The following AGBL1 variants were observed in gnomAD, a reference collection of about 807,000 sequenced individuals.
AGBL1 encodes cytosolic carboxypeptidase 4.
In AGBL1, 130 loss-of-function variants were observed where a neutral mutation model predicts 118.9. The ratio of observed to expected loss-of-function variants is 1.09; its 90% CI spans 0.95 to 1.26. The LOEUF (loss-of-function observed/expected upper bound fraction) is 1.26. AGBL1 is among the 50% of genes most tolerant of loss of function. The pLI, the probability that AGBL1 is intolerant of heterozygous loss-of-function variation, is 0.00. For missense variants in AGBL1, 1,584 were observed against 1,298.1 expected, an observed-to-expected ratio of 1.22 and a Z score of -3.38; for synonymous variants, 555 against 478.9, an observed-to-expected ratio of 1.16 and a Z score of -2.08.
At chr15:86,386,745 G>A (rs1195261813) in intron 17 of AGBL1, among the ~76,000 whole-genome samples, 1 of 151,944 alleles carries the variant, frequency 6.6e-6, no homozygotes, top group Non-Finnish European at 1.5e-5. Context: ...TCAAGCCTGG[G>A]ACCTTCATAG....
At chr15:86,663,629 T>C (rs1037798056) in intron 21 of AGBL1, among the ~76,000 whole-genome samples, 2 of 151,690 alleles carry the variant, frequency 1.3e-5, no homozygotes, top group Non-Finnish European at 2.9e-5. Context: ...CCATATTGAG[T>C]TTTTTGGTGG....
chr15:86,293,392 A>T (rs1208233753), intron 16 of AGBL1, among the ~76,000 whole-genome samples: 1 of 152,144 alleles, frequency 6.6e-6, no homozygotes, highest in Non-Finnish European at 1.5e-5. Flanking sequence ...TCTAGAGGCC[A>T]CCTGCATTCC....
Position 86,722,106 on chromosome 15 carries a change from C to T in AGBL1, c.3158+47670C>T, listed in dbSNP as rs1043210573. Among the ~76,000 whole-genome samples, 29 of 152,124 alleles carry T rather than the reference C, an allele frequency of 1.9e-4. No individual in the cohort carries two copies. In the South Asian group the frequency reaches 2.5e-3, roughly 13 times the overall value. On this transcript the variant is annotated intron_variant, in intron 22 of 22. Coordinates refer to ENST00000614907, the MANE Select transcript of AGBL1 (RefSeq NM_001386094.1). Reference sequence around the variant, plus strand: ...CCAAGGTAATTTATAGATTCAATGCCATCCCCATCAAGCTACCAATGACTT... The same window carrying T: ...CCAAGGTAATTTATAGATTCAATGCTATCCCCATCAAGCTACCAATGACTT...
intron 17 of AGBL1, among the ~76,000 whole-genome samples, chr15:86,334,131 G>A (rs1205565235): frequency 2.0e-5 from 3 of 152,124 alleles, no homozygotes; most frequent in Non-Finnish European, 4.4e-5. Context: ...AGATCAGGAT[G>A]CCCTCTCTCA....
intron 18 of AGBL1, among the ~76,000 whole-genome samples, chr15:86,460,479 C>T (rs372566881): frequency 6.6e-6 from 1 of 151,806 alleles, no homozygotes; most frequent in East Asian, 1.9e-4. Flanking sequence ...CTGGGCAACA[C>T]ACAGAACAAT....
chr15:86,307,469 A>G (rs1012495552), intron 17 of AGBL1, among the ~76,000 whole-genome samples: 1 of 152,026 alleles, frequency 6.6e-6, no homozygotes, highest in South Asian at 2.1e-4. Flanking sequence ...CTAATATAGT[A>G]GTCTATTTTT....
chr15:86,184,458 G>C (rs565079856), intron 5 of AGBL1, among the ~76,000 whole-genome samples: 1 of 148,130 alleles, frequency 6.8e-6, no homozygotes, highest in Admixed American at 6.7e-5. Context: ...TGTCTCAAGA[G>C]GGCAAACAGC....
chr15:86,142,970 G>A (rs534583823), intron 2 of AGBL1, among the ~76,000 whole-genome samples: 1 of 152,208 alleles, frequency 6.6e-6, no homozygotes, highest in Non-Finnish European at 1.5e-5. Flanking sequence ...GTACCACCCT[G>A]TTGGCCACCT....
At chr15:86,274,080 A>C (rs1159895) in intron 15 of AGBL1, among the ~76,000 whole-genome samples, 2 of 152,000 alleles carry the variant, frequency 1.3e-5, no homozygotes, top group South Asian at 2.1e-4. Context: ...ATGCATTACT[A>C]TACTAATATA....
intron 5 of AGBL1, among the ~76,000 whole-genome samples, chr15:86,195,132 G>C (rs1228898083): frequency 1.3e-5 from 2 of 152,182 alleles, no homozygotes; most frequent in South Asian, 4.1e-4. Flanking sequence ...TTTTGTGGGT[G>C]CTGGGGAAGG....
chr15:87,008,881 A>G (rs569709041), intron 24 of AGBL1, among the ~76,000 whole-genome samples: 5 of 152,236 alleles, frequency 3.3e-5, no homozygotes, highest in African/African-American at 1.2e-4. Context: ...GGTATCTGGC[A>G]GAAGAAATTT....
At chr15:86,310,209 T>C (rs1230325448) in intron 17 of AGBL1, among the ~76,000 whole-genome samples, 1 of 152,240 alleles carries the variant, frequency 6.6e-6, no homozygotes, top group Non-Finnish European at 1.5e-5. Context: ...TCTAATATGT[T>C]GCCACAGAAT....
At chr15:86,649,656 C>T (rs1323592506) in intron 21 of AGBL1, among the ~76,000 whole-genome samples, 1 of 150,858 alleles carries the variant, frequency 6.6e-6, no homozygotes, top group Non-Finnish European at 1.5e-5. Flanking sequence ...ATAATTGATA[C>T]CTTGTTTCAT....
chr15:86,546,084 C>T lies in AGBL1; in HGVS notation c.2768C>T (p.Ala923Val), dbSNP rs1596251122. Residue 923 changes from alanine to valine, a missense_variant, in exon 20 of 23, where the codon GCA becomes GTA. Transcript: ENST00000614907. ...GCSIKETLWQ[A>V]ACTVGTSTIL... ...AGCATCAAGGAAACCTTGTGGCAAGCAGCATGCACTGTGGGCACATCTACT... is the reference window on the plus strand; with the variant it reads ...AGCATCAAGGAAACCTTGTGGCAAGTAGCATGCACTGTGGGCACATCTACT... 4 of 1,613,416 alleles carry T rather than the reference C, an allele frequency of 2.5e-6. No individual in the cohort carries two copies. The highest frequency in any genetic ancestry group is 2.2e-5 in the East Asian group (1 of 44,872).
intron 23 of AGBL1, among the ~76,000 whole-genome samples, chr15:86,969,131 C>T (rs1409466460): frequency 6.6e-6 from 1 of 151,964 alleles, no homozygotes; most frequent in East Asian, 1.9e-4. Context: ...CAAAAGTATT[C>T]ACTTGTTCTA....
chr15:86,827,958 T>TTTTTTTTTTTTTTTTTTTTTTTTTTTA (rs2079054035), intron 22 of AGBL1, among the ~76,000 whole-genome samples: 1 of 134,022 alleles, frequency 7.5e-6, no homozygotes, highest in East Asian at 2.3e-4. Context: ...TTTTTTTTTT[T>TTTTTTTTTTTTTTTTTTTTTTTTTTTA]GAGACAGTAT....
At chr15:86,222,044 C>G (rs2078288796) in intron 5 of AGBL1, among the ~76,000 whole-genome samples, 1 of 152,140 alleles carries the variant, frequency 6.6e-6, no homozygotes, top group African/African-American at 2.4e-5. Flanking sequence ...TCTCCTAGTT[C>G]CTCAAATGCA....
At chr15:86,810,763 T>A (rs1400238104) in intron 22 of AGBL1, among the ~76,000 whole-genome samples, 2 of 152,196 alleles carry the variant, frequency 1.3e-5, no homozygotes, top group Non-Finnish European at 2.9e-5. Context: ...AAATTTCAGC[T>A]TTTGTCTCTA....
intron 17 of AGBL1, among the ~76,000 whole-genome samples, chr15:86,357,889 G>A (rs773232787): frequency 1.6e-4 from 25 of 151,850 alleles, no homozygotes; most frequent in Admixed American, 3.3e-4. Context: ...CGTTTATTGC[G>A]GTATACCTGA....
Sources: allele counts gnomAD v4.1 joint callset (sites outside exome capture counted in the v4.1 genomes callset), GRCh38; gene constraint gnomAD v4.1.1; transcripts MANE v1.5; gene names NCBI Gene and HGNC (gene_info 2026-07-23, HGNC 2026-07-21).